Variants in SLC2A12 observed in about 807,000 individuals in gnomAD.
The protein encoded by SLC2A12 is solute carrier family 2 member 12.
Under a neutral mutation model 41.8 loss-of-function variants are expected in SLC2A12, and 23 were observed. The ratio of observed to expected loss-of-function variants is 0.55; its 90% CI spans 0.40 to 0.78. The LOEUF is 0.78. SLC2A12 is among the 30% of genes least tolerant of loss of function. SLC2A12 has a pLI of 0.00. For missense variants in SLC2A12, 654 were observed against 745.6 expected (o/e 0.88, Z 1.43); for synonymous variants, 295 against 285.9 (o/e 1.03, Z -0.32).
intron 3 of SLC2A12, among the ~76,000 whole-genome samples, chr6:134,005,672 A>T (rs1326823669): frequency 9.8e-6 from 1 of 101,876 alleles, no homozygotes; most frequent in East Asian, 3.0e-4. Context: ...AAAAAAAAAA[A>T]AAAAAAAAAA....
At chr6:134,047,324 T>C (rs138697933) in intron 1 of SLC2A12, among the ~76,000 whole-genome samples, 1 of 152,218 alleles carries the variant, frequency 6.6e-6, no homozygotes, top group Non-Finnish European at 1.5e-5. Flanking sequence ...TGTTGCATAG[T>C]AATGGAGGGC....
intron 1 of SLC2A12, among the ~76,000 whole-genome samples, chr6:134,032,448 A>ATT (rs1562201680): frequency 2.8e-5 from 1 of 35,140 alleles, no homozygotes; most frequent in African/African-American, 1.3e-4. Flanking sequence ...ATATATATAT[A>ATT]AATATATATA....
In SLC2A12 at chr6:133,987,774, C is replaced by T. The variant is rs1776559517; in HGVS notation, c.*3381G>A. ...AAACGTGTATATAAACTCTAGGGAA[C>T]CAGACTAGAAGTTTATAGATAAAGG... On this transcript the variant is annotated 3_prime_UTR_variant, in exon 5 of 5. Transcript: ENST00000275230. The T allele has an allele frequency of 1.3e-5, 2 of 151,732 alleles. No homozygotes were observed. Among genetic ancestry groups the T allele is most frequent in the Admixed American group, 1.3e-4 (2 of 15,174 alleles). The allele number at this position is 151,732 out of a possible 1,614,324, so 9.4% of individuals were successfully genotyped here. A position where few individuals can be genotyped will look rare whatever the true frequency, so the allele number is the denominator to read the frequency against.
At chr6:134,004,653 C>T (rs978393691) in intron 3 of SLC2A12, among the ~76,000 whole-genome samples, 3 of 152,068 alleles carry the variant, frequency 2.0e-5, no homozygotes, top group South Asian at 2.1e-4. Context: ...AAAGAGAAAC[C>T]GACTCATTGG....
intron 2 of SLC2A12, among the ~76,000 whole-genome samples, chr6:134,012,178 T>C (rs1037178574): frequency 1.3e-5 from 2 of 152,256 alleles, no homozygotes; most frequent in African/African-American, 4.8e-5. Context: ...TCATGGCCTT[T>C]TGTAAAAGAA....
At chr6:134,026,018 T>C (rs533439501) in intron 2 of SLC2A12, among the ~76,000 whole-genome samples, 14 of 152,354 alleles carry the variant, frequency 9.2e-5, no homozygotes, top group Admixed American at 6.5e-4. Flanking sequence ...ACTCTAACCA[T>C]GAGTAGGTTG....
At chr6:134,024,597 C>T (rs1562198321) in intron 2 of SLC2A12, among the ~76,000 whole-genome samples, 1 of 152,194 alleles carries the variant, frequency 6.6e-6, no homozygotes, top group Admixed American at 6.5e-5. Flanking sequence ...CCTACTATAC[C>T]CAATCTCCCT....
Position 133,988,267 on chromosome 6 carries a change from A to G in SLC2A12, c.*2888T>C, listed in dbSNP as rs1776566493. 6.6e-6 allele frequency: 1 copy of G among 152,232 alleles called. No individual in the cohort carries two copies. Among genetic ancestry groups the G allele is most frequent in the Non-Finnish European group, 1.5e-5 (1 of 68,028 alleles). The allele number at this position is 152,232 out of a possible 1,614,324, so 9.4% of individuals were successfully genotyped here. A position where few individuals can be genotyped will look rare whatever the true frequency, so the allele number is the denominator to read the frequency against. On this transcript the variant is annotated 3_prime_UTR_variant, in exon 5 of 5. Transcript: ENST00000275230. ...TATAATAAATATGCATTTATGAAACAGTGTCTCTGGCTCACCCAGGAGCCC... is the reference window on the plus strand; with the variant it reads ...TATAATAAATATGCATTTATGAAACGGTGTCTCTGGCTCACCCAGGAGCCC...
rs181732848 is a variant in SLC2A12, at chr6:134,005,530, C to T, written c.1567+1282G>A. ...AAAAAATTAGCCAGGCTTGGTGGTG[C>T]GCACCTGTAGTCCCAGCTACTTGGG... On this transcript the variant is annotated intron_variant, in intron 3 of 4. Transcript: ENST00000275230. 8.8e-3 allele frequency among the ~76,000 whole-genome samples: 1,333 copies of T among 151,404 alleles called. 14 individuals carry two copies. Among genetic ancestry groups the T allele is most frequent in the Middle Eastern group, 0.031 (9 of 294 alleles).
chr6:134,022,361 T>C (rs1056271462), intron 2 of SLC2A12, among the ~76,000 whole-genome samples: 2 of 151,994 alleles, frequency 1.3e-5, no homozygotes, highest in Non-Finnish European at 2.9e-5. Flanking sequence ...CGAAACCCCG[T>C]CTCTACTAAA....
Position 134,006,795 on chromosome 6 carries a change from A to G in SLC2A12, c.1567+17T>C, listed in dbSNP as rs780321188. 1.9e-6 allele frequency: 3 copies of G among 1,613,738 alleles called. No individual in the cohort carries two copies. The highest frequency in any genetic ancestry group is 2.5e-6 in the Non-Finnish European group (3 of 1,179,834). ...TACGAGGACCAAAGACATTAGAGGA[A>G]AACAAAGACTTCTTACCAGTTACAG... On this transcript the variant is annotated intron_variant, in intron 3 of 4. Transcript: ENST00000275230.
At chr6:134,004,746 C>T (rs983016692) in intron 3 of SLC2A12, among the ~76,000 whole-genome samples, 4 of 152,134 alleles carry the variant, frequency 2.6e-5, no homozygotes, top group Admixed American at 2.6e-4. Context: ...CGTATTTTAC[C>T]TTTCTTATAT....
chr6:134,047,745 A>T (rs1374849805), intron 1 of SLC2A12, among the ~76,000 whole-genome samples: 2 of 152,238 alleles, frequency 1.3e-5, no homozygotes, highest in African/African-American at 4.8e-5. Flanking sequence ...GATGTTGAGA[A>T]TATTTAACAA....
In SLC2A12 at chr6:134,028,632, G is replaced by A. The variant is rs1777148225; in HGVS notation, c.1193C>T (p.Ser398Leu). ...ESVIYGPGNL[S>L]TNNNTLRDHF... ...GTCTCTGAGAGTATTGTTGTTGGTT[G>A]ACAGGTTTCCTGGTCCATAAATCAC... The change falls in exon 2 of 5, where the codon TCA (serine) becomes TTA (leucine). Residue 398 changes from serine (S) to leucine (L), a missense_variant. By Grantham distance (145) the Ser-to-Leu change is moderately radical. This residue lies in a region of SLC2A12 where 411 missense variants were observed against 412.1 expected (regional missense o/e 1.00). Coordinates refer to ENST00000275230, the MANE Select transcript of SLC2A12 (RefSeq NM_145176.3). The A allele has an allele frequency of 1.9e-6, 3 of 1,614,208 alleles. No individual in the cohort carries two copies. Among genetic ancestry groups the A allele is most frequent in the Non-Finnish European group, 2.5e-6 (3 of 1,180,032 alleles).
At chr6:134,035,170 A>C (rs1038946189) in intron 1 of SLC2A12, among the ~76,000 whole-genome samples, 9 of 137,796 alleles carry the variant, frequency 6.5e-5, no homozygotes, top group East Asian at 2.0e-4. Context: ...AAAAAAAAAA[A>C]AAAACTGTGT....
chr6:134,041,287 T>C (rs1408425328), intron 1 of SLC2A12, among the ~76,000 whole-genome samples: 1 of 152,088 alleles, frequency 6.6e-6, no homozygotes, highest in African/African-American at 2.4e-5. Context: ...AGCCCAGAGT[T>C]GTTGAAATCA....
chr6:134,037,191 G>C (rs143420263), intron 1 of SLC2A12, among the ~76,000 whole-genome samples: 2 of 113,644 alleles, frequency 1.8e-5, no homozygotes, highest in African/African-American at 7.0e-5. Flanking sequence ...GTGTCACTCT[G>C]TCGCCCAGGC....
rs1263214933 is a variant in SLC2A12, at chr6:133,988,927, A to G, written c.*2228T>C. Reference sequence around the variant, plus strand: ...AAAAAAAGAAACATAGAATAGGGGGAAAACATGCTTATATAGCCAAGGTAC... The same window carrying G: ...AAAAAAAGAAACATAGAATAGGGGGGAAACATGCTTATATAGCCAAGGTAC... On this transcript the variant is annotated 3_prime_UTR_variant, in exon 5 of 5. Coordinates refer to ENST00000275230, the MANE Select transcript of SLC2A12 (RefSeq NM_145176.3). The G allele has an allele frequency of 6.6e-6, 1 of 152,200 alleles. No individual in the cohort carries two copies. Among genetic ancestry groups the G allele is most frequent in the Non-Finnish European group, 1.5e-5 (1 of 68,020 alleles). 9.4% of individuals were successfully genotyped at this position (152,200 alleles called of 1,614,324 possible).
intron 4 of SLC2A12, among the ~76,000 whole-genome samples, chr6:134,000,184 G>A (rs1582597286): frequency 6.6e-6 from 1 of 151,982 alleles, no homozygotes; most frequent in African/African-American, 2.4e-5. Flanking sequence ...TTTGAAAACA[G>A]GGCCTCATCT....
Sources: gnomAD v4.1 joint callset for allele counts (sites outside exome capture counted in the v4.1 genomes callset) on GRCh38, gnomAD v4.1.1 for gene constraint, gnomAD v4.1.1 regional missense constraint, MANE v1.5 for transcripts, NCBI Gene and HGNC (gene_info 2026-07-23, HGNC 2026-07-21) for gene names.